The following GPC6 variants were observed in gnomAD, a reference collection of about 807,000 sequenced individuals.
GPC6 encodes glypican 6, also known as glypican-6.
A neutral mutation model predicts 55.2 loss-of-function variants in GPC6; 14 were observed. The ratio of observed to expected loss-of-function variants is 0.25; its 90% CI spans 0.17 to 0.40. The LOEUF (loss-of-function observed/expected upper bound fraction) is 0.40, where lower values mean the gene tolerates loss of function less well. Ranked by LOEUF, GPC6 falls within the 10% of genes least tolerant of loss-of-function variation. The probability of loss-of-function intolerance (pLI) is 1.00; values close to 1 mark genes in which losing one functional copy is unlikely to be tolerated. For synonymous variants in GPC6, 278 were observed against 259.6 expected (o/e 1.07, Z -0.68); for missense variants, 641 against 708.5 (o/e 0.90, Z 1.08).
At chr13:93,632,537 T>G (rs1879492992) in intron 2 of GPC6, among the ~76,000 whole-genome samples, 1 of 124,600 alleles carries the variant, frequency 8.0e-6, no homozygotes, top group Non-Finnish European at 1.9e-5. Flanking sequence ...TGAGCCTGGG[T>G]ATGTTGAGAC....
intron 2 of GPC6, among the ~76,000 whole-genome samples, chr13:93,592,593 A>G (rs1383714636): frequency 6.6e-6 from 1 of 151,174 alleles, no homozygotes; most frequent in Admixed American, 6.6e-5. Context: ...AAGTTGAAAA[A>G]TAGTAGTATT....
chr13:94,214,450 T>C (rs1890170450), intron 4 of GPC6, among the ~76,000 whole-genome samples: 1 of 152,170 alleles, frequency 6.6e-6, no homozygotes, highest in Non-Finnish European at 1.5e-5. Context: ...GGTACTTTAG[T>C]TTTATCTTTT....
intron 2 of GPC6, among the ~76,000 whole-genome samples, chr13:93,789,590 T>A (rs977591651): frequency 8.4e-6 from 1 of 119,676 alleles, no homozygotes; most frequent in Non-Finnish European, 1.7e-5. Flanking sequence ...TATATATATA[T>A]AATACTACAT....
intron 1 of GPC6, among the ~76,000 whole-genome samples, chr13:93,438,113 T>G (rs750258664): frequency 6.6e-6 from 1 of 152,038 alleles, no homozygotes; most frequent in Non-Finnish European, 1.5e-5. Context: ...TCCTGAGACC[T>G]ACTGCTCAGA....
At chr13:94,266,281 G>C (rs531683574) in intron 4 of GPC6, among the ~76,000 whole-genome samples, 77 of 152,012 alleles carry the variant, frequency 5.1e-4, no homozygotes, top group Admixed American at 1.4e-3. Context: ...CGATTCTCCT[G>C]CATCAGCCTC....
At chr13:93,832,575 A>G (rs886756819) in intron 3 of GPC6, among the ~76,000 whole-genome samples, 1 of 152,150 alleles carries the variant, frequency 6.6e-6, no homozygotes. Context: ...CCGGTGAGAT[A>G]ACAGAATATT....
chr13:93,891,864 GTATA>G (rs1409832063), intron 3 of GPC6, among the ~76,000 whole-genome samples: 1 of 151,806 alleles, frequency 6.6e-6, no homozygotes, highest in Admixed American at 6.6e-5. Flanking sequence ...GTGTGTATGT[GTATA>G]TATAGTGTGT....
chr13:93,913,691 CG>C (rs1185429165), intron 3 of GPC6, among the ~76,000 whole-genome samples: 2 of 151,958 alleles, frequency 1.3e-5, no homozygotes. Context: ...TTTCTTTCAT[CG>C]TTTTTTTGGA....
chr13:93,846,738 G>T (rs979741442), intron 3 of GPC6, among the ~76,000 whole-genome samples: 1 of 152,004 alleles, frequency 6.6e-6, no homozygotes, highest in Admixed American at 6.6e-5. Flanking sequence ...CACTTGAACC[G>T]GGGAGACGGA....
chr13:93,537,609 T>G (rs1882112137), intron 1 of GPC6, among the ~76,000 whole-genome samples: 1 of 152,136 alleles, frequency 6.6e-6, no homozygotes, highest in Non-Finnish European at 1.5e-5. Context: ...ACTTTTGATA[T>G]CCTCATAGCA....
At chr13:93,657,422 C>T (rs1880723221) in intron 2 of GPC6, among the ~76,000 whole-genome samples, 1 of 152,028 alleles carries the variant, frequency 6.6e-6, no homozygotes, top group Non-Finnish European at 1.5e-5. Context: ...AACTGGACCC[C>T]TTCCTTTCAC....
intron 1 of GPC6, among the ~76,000 whole-genome samples, chr13:93,364,859 G>A (rs1881183708): frequency 6.6e-6 from 1 of 151,636 alleles, no homozygotes; most frequent in South Asian, 2.1e-4. Flanking sequence ...CTGTTTCTCT[G>A]AAGCACTCCA....
chr13:93,632,333 C>T (rs1403350073), intron 2 of GPC6, among the ~76,000 whole-genome samples: 1 of 152,054 alleles, frequency 6.6e-6, no homozygotes, highest in East Asian at 1.9e-4. Flanking sequence ...GTAGGCCAGG[C>T]ACAGTGGCTC....
At chr13:93,515,634 A>C (rs1348781371) in intron 1 of GPC6, among the ~76,000 whole-genome samples, 2 of 152,208 alleles carry the variant, frequency 1.3e-5, no homozygotes, top group East Asian at 3.9e-4. Context: ...AATTGTATGT[A>C]AGTCACCCAG....
chr13:94,232,728 C>A (rs1398597091), intron 4 of GPC6, among the ~76,000 whole-genome samples: 1 of 152,026 alleles, frequency 6.6e-6, no homozygotes, highest in African/African-American at 2.4e-5. Flanking sequence ...GCATTAATGA[C>A]CACCTGTTCC....
intron 7 of GPC6, among the ~76,000 whole-genome samples, chr13:94,395,064 C>A (rs984604432): frequency 1.4e-4 from 21 of 152,194 alleles, no homozygotes; most frequent in Non-Finnish European, 2.9e-4. Flanking sequence ...ATGCCAGAAT[C>A]GACCATCACC....
chr13:93,916,058 C>A (rs1758056560), intron 3 of GPC6, among the ~76,000 whole-genome samples: 1 of 151,904 alleles, frequency 6.6e-6, no homozygotes, highest in African/African-American at 2.4e-5. Context: ...CCCTAGAAGC[C>A]CAGCATCACG....
intron 4 of GPC6, 78 bp from the exon 5 acceptor site, chr13:94,286,270 GT>G: frequency 6.8e-7 from 1 of 1,475,508 alleles, no homozygotes. Flanking sequence ...TCATCCAGTT[GT>G]TTTAACAATG....
chr13:93,859,361 A>G (rs1168500673), intron 3 of GPC6, among the ~76,000 whole-genome samples: 5 of 151,694 alleles, frequency 3.3e-5, no homozygotes, highest in Admixed American at 1.3e-4. Context: ...ATTGGTTAAT[A>G]TAAGTTCTCA....
Sources: gnomAD v4.1 joint callset for allele counts (sites outside exome capture counted in the v4.1 genomes callset) on GRCh38, gnomAD v4.1.1 for gene constraint, MANE v1.5 for transcripts, NCBI Gene and HGNC (gene_info 2026-07-23, HGNC 2026-07-21) for gene names.